PRKACB: variants seen among roughly 807,000 people sequenced by gnomAD.
The protein encoded by PRKACB is cAMP-dependent protein kinase catalytic subunit beta.
PRKACB carries 16 observed loss-of-function variants against 51.4 expected under a neutral mutation model. The ratio of observed to expected loss-of-function variants is 0.31; its 90% CI spans 0.21 to 0.47. The LOEUF (loss-of-function observed/expected upper bound fraction) is 0.47, where lower values mean the gene tolerates loss of function less well. Ranked by LOEUF, PRKACB falls within the 20% of genes least tolerant of loss-of-function variation. The pLI is 1.00. For missense variants in PRKACB, 309 were observed against 464.5 expected (o/e 0.67, Z 3.08); for synonymous variants, 147 against 154.4 (o/e 0.95, Z 0.35).
intron 3 of PRKACB, among the ~76,000 whole-genome samples, chr1:84,182,883 T>C (rs1293944178): frequency 1.3e-5 from 2 of 152,098 alleles, no homozygotes; most frequent in African/African-American, 4.8e-5. Context: ...TTTGTAACTA[T>C]TACAGAAGTT....
intron 1 of PRKACB, among the ~76,000 whole-genome samples, chr1:84,162,689 G>C (rs1656357824): frequency 6.6e-6 from 1 of 151,746 alleles, no homozygotes; most frequent in African/African-American, 2.4e-5. Flanking sequence ...TTACTGTCGT[G>C]TTTTCCTTTA....
intron 1 of PRKACB, among the ~76,000 whole-genome samples, chr1:84,080,066 C>G (rs1647404510): frequency 6.6e-6 from 1 of 152,162 alleles, no homozygotes. Context: ...GATATGTTGT[C>G]ATTTTTTGTG....
chr1:84,217,052 G>A (rs1672986168), intron 9 of PRKACB, among the ~76,000 whole-genome samples: 1 of 152,120 alleles, frequency 6.6e-6, no homozygotes, highest in Admixed American at 6.5e-5. Flanking sequence ...CTGAATCCCT[G>A]ATCAACCAAT....
intron 1 of PRKACB, among the ~76,000 whole-genome samples, chr1:84,107,512 A>G (rs1214382891): frequency 6.6e-6 from 1 of 152,168 alleles, no homozygotes; most frequent in East Asian, 1.9e-4. Flanking sequence ...GCTTTTGCAT[A>G]GCAAAAGAAA....
chr1:84,190,597 G>T (rs538933082), intron 5 of PRKACB, among the ~76,000 whole-genome samples: 2 of 151,994 alleles, frequency 1.3e-5, no homozygotes, highest in African/African-American at 2.4e-5. Context: ...CATATACAAA[G>T]ATCATTTTGT....
chr1:84,179,054 C>T, intron 1 of PRKACB, 123 bp from the exon 2 acceptor site: 3 of 1,111,942 alleles, frequency 2.7e-6, no homozygotes, highest in Non-Finnish European at 2.5e-6. Flanking sequence ...GATAAATATA[C>T]ATTTTATCAC....
rs3729866 is a variant in PRKACB at position 84,202,712 on chromosome 1, A to G, written c.813A>G (p.Ala271=). ...KGYNKAVDWW[A]LGVLIYEMAA... Reference sequence around the variant, plus strand: ...ACAATAAGGCAGTGGATTGGTGGGCATTAGGAGTGCTAATCTATGAAATGG... The same window carrying G: ...ACAATAAGGCAGTGGATTGGTGGGCGTTAGGAGTGCTAATCTATGAAATGG... The change falls in exon 8 of 10, where the codon GCA becomes GCG. Residue 271 remains alanine (A), a synonymous_variant. Transcript: ENST00000370685. 1.2e-6 allele frequency: 2 copies of G among 1,610,676 alleles called. No individual in the cohort carries two copies. The highest frequency in any genetic ancestry group is 1.7e-4 in the Middle Eastern group (1 of 6,044).
intron 1 of PRKACB, among the ~76,000 whole-genome samples, chr1:84,150,634 T>C (rs1006122336): frequency 1.3e-5 from 2 of 152,160 alleles, no homozygotes; most frequent in African/African-American, 4.8e-5. Flanking sequence ...CTTCCCCCTC[T>C]CTCTTGCTCC....
At chr1:84,164,332 C>T in intron 1 of PRKACB, 1 of 1,543,754 alleles carries the variant, frequency 6.5e-7, no homozygotes, top group Non-Finnish European at 8.8e-7. Flanking sequence ...CAGTGAGGTC[C>T]ACAGCTAGCA....
At chr1:84,187,862 T>A (rs1206211895) in intron 5 of PRKACB, among the ~76,000 whole-genome samples, 1 of 152,144 alleles carries the variant, frequency 6.6e-6, no homozygotes, top group African/African-American at 2.4e-5. Flanking sequence ...GTCTTGAGGT[T>A]CCTGGTCCTG....
At position 84,224,775 on chromosome 1, in the gene PRKACB, G is replaced by C. The variant is rs146901606; in HGVS notation, c.1072-10405G>C. Among the ~76,000 whole-genome samples the C allele has an allele frequency of 4.1e-3, 632 of 152,326 alleles. 2 individuals are homozygous for C. Among genetic ancestry groups the C allele is most frequent in the Middle Eastern group, 0.01 (3 of 294 alleles). On this transcript the variant is annotated intron_variant, in intron 9 of 9. Transcript: ENST00000370685. ...GTCTGTTGTTAGACCCCCTGATGGT[G>C]CAGTGCATGCCAGAAGCAGCAAGCA...
intron 1 of PRKACB, among the ~76,000 whole-genome samples, chr1:84,121,264 TCTC>T (rs1339065966): frequency 6.6e-6 from 1 of 152,076 alleles, no homozygotes; most frequent in Non-Finnish European, 1.5e-5. Context: ...TGATTTTATG[TCTC>T]CTCTTTATAA....
chr1:84,152,449 T>C (rs189195405), intron 1 of PRKACB, among the ~76,000 whole-genome samples: 12 of 152,350 alleles, frequency 7.9e-5, no homozygotes, highest in Admixed American at 7.8e-4. Context: ...AGGAAAGTTC[T>C]AGATGGCATC....
chr1:84,083,657 A>G lies in PRKACB; in HGVS notation c.46+5286A>G, dbSNP rs561343861. Among the ~76,000 whole-genome samples the G allele has an allele frequency of 5.1e-4, 77 of 152,212 alleles. 1 individual carries two copies. The highest frequency in any genetic ancestry group is 1.2e-4 in the Non-Finnish European group (8 of 68,032). ...TTTTAAAAATTAGTACAACTTATGA[A>G]GTTCTATATCTAGGTGATAAATGTT... On this transcript the variant is annotated intron_variant, in intron 1 of 8. Coordinates refer to the PRKACB transcript ENST00000370688.
rs373182475 is a variant in PRKACB, at chr1:84,115,922, C to A, written c.46+37551C>A. ...AAAAAAAAAAAAAAAAAAAAAAATT[C>A]TTTGCCTAGAGCAATGTCCAGGAGA... On this transcript the variant is annotated intron_variant, in intron 1 of 8. Transcript: ENST00000370688. 5.9e-3 allele frequency among the ~76,000 whole-genome samples: 711 copies of A among 119,988 alleles called. 5 individuals carry two copies. Among genetic ancestry groups the A allele is most frequent in the East Asian group, 0.018 (65 of 3,608 alleles). 78.7% of individuals were successfully genotyped at this position (119,988 alleles called of 152,430 possible).
At chr1:84,175,951 T>C in intron 1 of PRKACB, 1 of 605,646 alleles carries the variant, frequency 1.7e-6, no homozygotes, top group Non-Finnish European at 2.6e-6. Flanking sequence ...TTTGTTCAAT[T>C]ATTTACCAGT....
chr1:84,201,924 G>GA (rs1391996312), intron 7 of PRKACB, among the ~76,000 whole-genome samples: 1 of 151,652 alleles, frequency 6.6e-6, no homozygotes, highest in East Asian at 1.9e-4. Flanking sequence ...AGCTTAATAT[G>GA]AAAAAAACAA....
At chr1:84,194,377 T>C (rs968444614) in intron 5 of PRKACB, among the ~76,000 whole-genome samples, 2 of 152,206 alleles carry the variant, frequency 1.3e-5, no homozygotes, top group African/African-American at 4.8e-5. Flanking sequence ...CTTTCACAAG[T>C]ACTACATATA....
At position 84,112,225 on chromosome 1, in the gene PRKACB, C is replaced by CTT. The variant is rs905575496; in HGVS notation, c.46+33874_46+33875dup. 6.1e-3 allele frequency among the ~76,000 whole-genome samples: 738 copies of CTT among 120,022 alleles called. 12 individuals are homozygous for CTT. Among genetic ancestry groups the CTT allele is most frequent in the African/African-American group, 0.018 (591 of 32,084 alleles). 78.7% of individuals were successfully genotyped at this position (120,022 alleles called of 152,430 possible). A position where few individuals can be genotyped will look rare whatever the true frequency, so the allele number is the denominator to read the frequency against. ...GATGGTGTCCTAAGTTGGACTGCTT[C>CTT]TTTTTTTTTTTTTTTTTTTTTGTTT... On this transcript the variant is annotated intron_variant, in intron 1 of 8. Transcript: ENST00000370688.
Sources: allele counts gnomAD v4.1 joint callset (sites outside exome capture counted in the v4.1 genomes callset), GRCh38; gene constraint gnomAD v4.1.1; transcripts MANE v1.5; gene names NCBI Gene and HGNC (gene_info 2026-07-23, HGNC 2026-07-21).